Variants in CARMIL1 observed in about 807,000 individuals in gnomAD.
CARMIL1 encodes capping protein regulator and myosin 1 linker 1.
CARMIL1 carries 90 observed loss-of-function variants against 177.1 expected under a neutral mutation model. The observed-to-expected ratio is 0.51, with a 90% CI of 0.43 to 0.61. The LOEUF is 0.61. Among genes scored for constraint, CARMIL1 ranks in the 20% least tolerant of loss-of-function variants. CARMIL1 has a pLI of 0.00. For synonymous variants in CARMIL1, 577 were observed against 606.2 expected, an observed-to-expected ratio of 0.95 and a Z score of 0.71; for missense variants, 1,380 against 1,667.0, an observed-to-expected ratio of 0.83 and a Z score of 3.00.
intron 35 of CARMIL1, among the ~76,000 whole-genome samples, chr6:25,609,024 A>G (rs1816260210): frequency 6.6e-6 from 1 of 152,112 alleles, no homozygotes; most frequent in Non-Finnish European, 1.5e-5. Context: ...ACAATCTTGT[A>G]ATGTTTTAAG....
At chr6:25,613,074 A>G (rs1816627810) in intron 36 of CARMIL1, among the ~76,000 whole-genome samples, 1 of 152,220 alleles carries the variant, frequency 6.6e-6, no homozygotes, top group Non-Finnish European at 1.5e-5. Context: ...CAAAAAAAAT[A>G]TTGACTTAAA....
intron 34 of CARMIL1, 60 bp downstream of exon 34, chr6:25,604,953 T>G: frequency 7.3e-7 from 1 of 1,370,568 alleles, no homozygotes; most frequent in Non-Finnish European, 1.0e-6. Context: ...GATTGCAGAG[T>G]CACATGATTG....
intron 1 of CARMIL1, among the ~76,000 whole-genome samples, chr6:25,281,123 C>CGCGT (rs1554148533): frequency 3.5e-4 from 43 of 122,968 alleles, no homozygotes; most frequent in African/African-American, 1.2e-3. Context: ...GACGCACGCG[C>CGCGT]GTGTGCGCGC....
intron 29 of CARMIL1, among the ~76,000 whole-genome samples, chr6:25,566,522 G>A (rs1475159161): frequency 6.6e-6 from 1 of 152,218 alleles, no homozygotes; most frequent in Admixed American, 6.5e-5. Flanking sequence ...TTTCTCAGAA[G>A]TTGTCCTTGA....
chr6:25,404,458 G>T (rs1794173900), intron 2 of CARMIL1, among the ~76,000 whole-genome samples: 1 of 152,152 alleles, frequency 6.6e-6, no homozygotes, highest in Non-Finnish European at 1.5e-5. Flanking sequence ...GAGGTGATGA[G>T]CTTTAAACAT....
At chr6:25,399,845 C>T (rs1010783918) in intron 2 of CARMIL1, among the ~76,000 whole-genome samples, 5 of 152,282 alleles carry the variant, frequency 3.3e-5, no homozygotes, top group African/African-American at 9.6e-5. Flanking sequence ...TTTTAATTCT[C>T]ATTAGATAAC....
At chr6:25,446,354 C>T (rs776976622) in intron 5 of CARMIL1, among the ~76,000 whole-genome samples, 17 of 152,236 alleles carry the variant, frequency 1.1e-4, no homozygotes, top group Non-Finnish European at 1.9e-4. Flanking sequence ...TTAACTATAT[C>T]TTCTGGATAA....
chr6:25,439,149 A>G (rs1243867534), intron 5 of CARMIL1, among the ~76,000 whole-genome samples: 1 of 142,040 alleles, frequency 7.0e-6, no homozygotes, highest in Non-Finnish European at 1.5e-5. Flanking sequence ...AGCAAGACAG[A>G]GAAGGCCTGG....
chr6:25,513,676 A>C (rs1038510267), intron 20 of CARMIL1, among the ~76,000 whole-genome samples: 1 of 152,132 alleles, frequency 6.6e-6, no homozygotes, highest in Non-Finnish European at 1.5e-5. Context: ...GTCAATGTTA[A>C]GTGTTTGAGT....
intron 2 of CARMIL1, among the ~76,000 whole-genome samples, chr6:25,285,930 G>A (rs932760190): frequency 2.0e-5 from 3 of 152,162 alleles, no homozygotes; most frequent in African/African-American, 7.2e-5. Flanking sequence ...GGAGTGCAAT[G>A]GTGTGATCTT....
chr6:25,334,828 G>A (rs758913360), intron 2 of CARMIL1, among the ~76,000 whole-genome samples: 1 of 152,172 alleles, frequency 6.6e-6, no homozygotes, highest in Non-Finnish European at 1.5e-5. Flanking sequence ...GCAATTTGCT[G>A]GCAAATCTTT....
At chr6:25,484,478 G>A (rs1802433541) in intron 12 of CARMIL1, among the ~76,000 whole-genome samples, 1 of 152,174 alleles carries the variant, frequency 6.6e-6, no homozygotes, top group African/African-American at 2.4e-5. Flanking sequence ...TTACCAAAGG[G>A]ATTTCCCCAG....
At chr6:25,451,986 G>GCCCCCTCCCCCCCCCCC in intron 8 of CARMIL1, 1 of 112,672 alleles carries the variant, frequency 8.9e-6, no homozygotes. Context: ...CTAGCATCTT[G>GCCCCCTCCCCCCCCCCC]CCCCCCCCTC....
At chr6:25,615,278 A>G (rs1816808755) in intron 36 of CARMIL1, among the ~76,000 whole-genome samples, 1 of 152,226 alleles carries the variant, frequency 6.6e-6, no homozygotes, top group East Asian at 1.9e-4. Context: ...CATGAAACAA[A>G]CAGAGGCTAT....
intron 2 of CARMIL1, among the ~76,000 whole-genome samples, chr6:25,405,367 G>T (rs9461163): frequency 0.45 from 67,719 of 152,008 alleles, 15,370 homozygotes; most frequent in Middle Eastern, 0.6. Flanking sequence ...CTCATATAAG[G>T]TCTGCCTCAT....
At chr6:25,312,752 C>CT (rs1239461761) in intron 2 of CARMIL1, among the ~76,000 whole-genome samples, 1,667 of 143,470 alleles carry the variant, frequency 0.012, 34 homozygotes, top group African/African-American at 0.037. Context: ...TTACTTTTGT[C>CT]TTTTTTTTTT....
chr6:25,428,698 T>C (rs925519235), intron 4 of CARMIL1, among the ~76,000 whole-genome samples: 1 of 152,198 alleles, frequency 6.6e-6, no homozygotes, highest in African/African-American at 2.4e-5. Context: ...TTTCAGTTTT[T>C]CTGAGTGTAT....
intron 2 of CARMIL1, among the ~76,000 whole-genome samples, chr6:25,372,726 A>G (rs1790544696): frequency 6.6e-6 from 1 of 152,046 alleles, no homozygotes; most frequent in Admixed American, 6.5e-5. Context: ...CAATTTGGAT[A>G]CCCTTTATTT....
intron 2 of CARMIL1, among the ~76,000 whole-genome samples, chr6:25,327,647 A>G (rs1049428013): frequency 6.6e-6 from 1 of 152,340 alleles, no homozygotes; most frequent in Admixed American, 6.5e-5. Context: ...ACAGCCGGTC[A>G]TATTTTCTTT....
Sources: gnomAD v4.1 joint callset for allele counts (sites outside exome capture counted in the v4.1 genomes callset) on GRCh38, gnomAD v4.1.1 for gene constraint, MANE v1.5 for transcripts, NCBI Gene and HGNC (gene_info 2026-07-23, HGNC 2026-07-21) for gene names.